NCOA2: variants seen among roughly 807,000 people sequenced by gnomAD.
NCOA2 encodes the protein nuclear receptor coactivator 2.
NCOA2 carries 21 observed loss-of-function variants against 145.1 expected under a neutral mutation model. The ratio of observed to expected loss-of-function variants is 0.14; its 90% CI spans 0.10 to 0.21. The LOEUF is 0.21. NCOA2 is among the 10% of genes least tolerant of loss of function. NCOA2 has a pLI of 1.00. For missense variants in NCOA2, 1,472 were observed against 1,837.6 expected (o/e 0.80, Z 3.64); for synonymous variants, 619 against 637.5 (o/e 0.97, Z 0.44).
chr8:70,254,168 A>G (rs1823433449), intron 2 of NCOA2, among the ~76,000 whole-genome samples: 1 of 152,218 alleles, frequency 6.6e-6, no homozygotes, highest in Non-Finnish European at 1.5e-5. Context: ...TCATTAGGGA[A>G]ATGCAAATAA....
At chr8:70,394,386 C>G (rs1168239659) in intron 1 of NCOA2, among the ~76,000 whole-genome samples, 1 of 152,194 alleles carries the variant, frequency 6.6e-6, no homozygotes, top group African/African-American at 2.4e-5. Context: ...AACTCCTGAC[C>G]TCAGGTGATC....
intron 1 of NCOA2, among the ~76,000 whole-genome samples, chr8:70,356,552 T>G (rs1809714659): frequency 6.6e-6 from 1 of 152,180 alleles, no homozygotes; most frequent in South Asian, 2.1e-4. Flanking sequence ...ATATTTTAAT[T>G]CTAACGGTGT....
chr8:70,156,608 A>G lies in NCOA2; in HGVS notation c.1757T>C (p.Phe586Ser). ...TTCAGAGGGCTCCCCATATAGTCCA[A>G]AACAGTCTTTTGAGTCCAAGCTTCC... ...KMGSLDSKDC[F>S]GLYGEPSEGT... The change falls in exon 11 of 23, where the codon TTT becomes TCT. Residue 586 changes from phenylalanine to serine, a missense_variant. Transcript: ENST00000452400. The G allele has an allele frequency of 6.2e-7, 1 of 1,613,942 alleles. No homozygotes were observed. Among genetic ancestry groups the G allele is most frequent in the South Asian group, 1.1e-5 (1 of 91,088 alleles).
intron 22 of NCOA2, among the ~76,000 whole-genome samples, chr8:70,119,545 T>C (rs1186724216): frequency 6.6e-6 from 1 of 152,220 alleles, no homozygotes; most frequent in Admixed American, 6.5e-5. Context: ...CCCTTTGATA[T>C]ACTGACCTTT....
At chr8:70,361,028 G>GT (rs1485656719) in intron 1 of NCOA2, among the ~76,000 whole-genome samples, 1 of 151,460 alleles carries the variant, frequency 6.6e-6, no homozygotes, top group African/African-American at 2.4e-5. Context: ...GGCAAAAGCT[G>GT]TTTTTCTAAA....
At chr8:70,131,372 C>T (rs899804959) in intron 16 of NCOA2, among the ~76,000 whole-genome samples, 1 of 152,220 alleles carries the variant, frequency 6.6e-6, no homozygotes, top group African/African-American at 2.4e-5. Flanking sequence ...AAAATGACTT[C>T]TGCTAACTTA....
intron 2 of NCOA2, among the ~76,000 whole-genome samples, chr8:70,257,722 C>T (rs538111856): frequency 2.6e-5 from 4 of 152,140 alleles, no homozygotes; most frequent in East Asian, 3.9e-4. Flanking sequence ...CTGCCATTCT[C>T]TGAAGTCTTG....
At chr8:70,286,447 A>G (rs947180546) in intron 2 of NCOA2, among the ~76,000 whole-genome samples, 2 of 152,216 alleles carry the variant, frequency 1.3e-5, no homozygotes, top group Non-Finnish European at 2.9e-5. Context: ...CTAGAAAGTA[A>G]ATGAAACAAA....
chr8:70,196,334 C>T (rs939566166), intron 4 of NCOA2, among the ~76,000 whole-genome samples: 1 of 152,146 alleles, frequency 6.6e-6, no homozygotes, highest in African/African-American at 2.4e-5. Flanking sequence ...TGAGATCACA[C>T]CATTGCACTC....
At chr8:70,248,087 T>C (rs530471398) in intron 2 of NCOA2, among the ~76,000 whole-genome samples, 2 of 152,334 alleles carry the variant, frequency 1.3e-5, no homozygotes, top group African/African-American at 4.8e-5. Context: ...ACTAGATAAT[T>C]TGTCAAGTTG....
chr8:70,453,334 T>G, the NCOA2 span, among the ~76,000 whole-genome samples: 60 of 152,224 alleles, frequency 3.9e-4, no homozygotes, highest in African/African-American at 1.4e-3. Context: ...CTACAGTTGC[T>G]GAGTGGTCCC....
At chr8:70,273,667 C>T in intron 2 of NCOA2, 1 of 689,446 alleles carries the variant, frequency 1.5e-6, no homozygotes, top group Admixed American at 1.8e-5. Flanking sequence ...AAATGCTACC[C>T]AGAATCTTAA....
chr8:70,234,402 G>C (rs1376592776), intron 2 of NCOA2, among the ~76,000 whole-genome samples: 1 of 152,082 alleles, frequency 6.6e-6, no homozygotes, highest in Non-Finnish European at 1.5e-5. Context: ...GAGTCATATG[G>C]TAACTCTATG....
intron 4 of NCOA2, among the ~76,000 whole-genome samples, chr8:70,193,301 A>G (rs932336975): frequency 1.3e-5 from 2 of 152,104 alleles, no homozygotes; most frequent in African/African-American, 4.8e-5. Flanking sequence ...CAAAATTTGC[A>G]TTGGTTTGAT....
At chr8:70,455,185 A>G in the NCOA2 span, among the ~76,000 whole-genome samples, 1 of 152,232 alleles carries the variant, frequency 6.6e-6, no homozygotes, top group African/African-American at 2.4e-5. Context: ...GTTAAGAGTT[A>G]CGGATGTTTC....
intron 1 of NCOA2, among the ~76,000 whole-genome samples, chr8:70,376,604 TTC>T (rs1285326910): frequency 2.0e-5 from 3 of 152,208 alleles, no homozygotes; most frequent in Admixed American, 6.5e-5. Flanking sequence ...CATCTTAGAA[TTC>T]TGTTAGATAA....
At chr8:70,154,426 T>C (rs1326372997) in intron 11 of NCOA2, among the ~76,000 whole-genome samples, 1 of 152,206 alleles carries the variant, frequency 6.6e-6, no homozygotes, top group Non-Finnish European at 1.5e-5. Context: ...GGGTTTTAAT[T>C]TTTTGAGACA....
intron 1 of NCOA2, among the ~76,000 whole-genome samples, chr8:70,301,399 C>A (rs1163247966): frequency 6.6e-6 from 1 of 151,890 alleles, no homozygotes; most frequent in African/African-American, 2.4e-5. Context: ...CCCGCCTGTA[C>A]TCCCAACACT....
intron 15 of NCOA2, 23 bp from the exon 16 acceptor site, chr8:70,132,025 T>A: frequency 6.2e-7 from 1 of 1,603,726 alleles, no homozygotes; most frequent in Non-Finnish European, 8.5e-7. Flanking sequence ...AAATGTCACC[T>A]TGGGCCAATG....
Sources: gnomAD v4.1 joint callset for allele counts (sites outside exome capture counted in the v4.1 genomes callset) on GRCh38, gnomAD v4.1.1 for gene constraint, MANE v1.5 for transcripts, NCBI Gene and HGNC (gene_info 2026-07-23, HGNC 2026-07-21) for gene names.